The following CEP128 variants were observed in gnomAD, a reference collection of about 807,000 sequenced individuals.
CEP128 encodes centrosomal protein 128kDa.
Under a neutral mutation model 156.7 loss-of-function variants are expected in CEP128, and 132 were observed. That is an observed-to-expected ratio of 0.84 (90% CI 0.73 to 0.97). CEP128 has a LOEUF of 0.97. CEP128 is among the 50% of genes least tolerant of loss of function. CEP128 has a pLI of 0.00. For missense variants in CEP128, 1,252 were observed against 1,281.9 expected (o/e 0.98, Z 0.36); for synonymous variants, 469 against 448.9 (o/e 1.04, Z -0.57).
intron 13 of CEP128, among the ~76,000 whole-genome samples, chr14:80,800,850 T>G (rs1262608865): frequency 6.6e-6 from 1 of 152,206 alleles, no homozygotes. Flanking sequence ...ACATTGCTAT[T>G]AACTATTAGA....
intron 19 of CEP128, among the ~76,000 whole-genome samples, chr14:80,683,677 G>A (rs1896411989): frequency 6.6e-6 from 1 of 152,130 alleles, no homozygotes; most frequent in South Asian, 2.1e-4. Flanking sequence ...CCTCTCTTCT[G>A]CACATGAAAC....
chr14:80,489,032 C>T (rs577707020), downstream of CEP128, among the ~76,000 whole-genome samples: 5 of 150,972 alleles, frequency 3.3e-5, no homozygotes, highest in East Asian at 7.8e-4. Context: ...ATACCTAATG[C>T]TAAATGACGA....
At position 80,558,384 on chromosome 14, in the gene CEP128, G is replaced by A. The variant is rs1366161733; in HGVS notation, c.2880+895C>T. ...GCTCACGGCAACCTCTGCCTCCCAG[G>A]TTCAAGCAATTCTCCTGCTTCAGCC... On this transcript the variant is annotated intron_variant, in intron 21 of 24. Transcript: ENST00000555265. Among the ~76,000 whole-genome samples, 3 of 151,942 alleles carry A rather than the reference G, an allele frequency of 2.0e-5. No homozygotes were observed. In the East Asian group the frequency reaches 5.8e-4, roughly 29 times the overall value.
At chr14:80,517,303 A>G (rs576478152) in intron 23 of CEP128, among the ~76,000 whole-genome samples, 2 of 152,202 alleles carry the variant, frequency 1.3e-5, no homozygotes, top group South Asian at 4.1e-4. Context: ...GATTTCTACA[A>G]TGGAAACATA....
Position 80,497,482 on chromosome 14 carries a change from G to T in CEP128, c.3282C>A (p.Ser1094Arg). 6.3e-7 allele frequency: 1 copy of T among 1,594,908 alleles called. No homozygotes were observed. The highest frequency in any genetic ancestry group is 8.6e-7 in the Non-Finnish European group (1 of 1,165,486). ...SSQPKKEEYG[S>R] ...ATAACAAATTACATTTGCTTTTTTAGCTCCCATATTCCTCTTTTTTGGGTT... is the reference window on the plus strand; with the variant it reads ...ATAACAAATTACATTTGCTTTTTTATCTCCCATATTCCTCTTTTTTGGGTT... Residue 1094 changes from serine to arginine, a missense_variant, in exon 25 of 25, where the codon AGC (serine) becomes AGA (arginine). By Grantham distance (110) the Ser-to-Arg change is moderately radical. Transcript: ENST00000555265.
chr14:80,913,998 T>C lies in CEP128; in HGVS notation c.234+324A>G, dbSNP rs75186024. ...TTTTAACAATAAACACATATTACTT[T>C]AAAATAAACCATCCTTAAAATTCTT... On this transcript the variant is annotated intron_variant, in intron 4 of 24. Transcript: ENST00000555265. Among the ~76,000 whole-genome samples, 1,326 of 152,312 alleles carry C rather than the reference T, an allele frequency of 8.7e-3. 11 individuals are homozygous for C. The highest frequency in any genetic ancestry group is 0.016 in the Non-Finnish European group (1,082 of 68,026).
chr14:80,926,124 G>T (rs184924086), intron 2 of CEP128, among the ~76,000 whole-genome samples: 2 of 152,170 alleles, frequency 1.3e-5, no homozygotes, highest in Non-Finnish European at 2.9e-5. Flanking sequence ...GGGGACAAAT[G>T]CCCTTGGTCA....
At chr14:80,706,745 T>G (rs1467339647) in intron 19 of CEP128, among the ~76,000 whole-genome samples, 2 of 152,124 alleles carry the variant, frequency 1.3e-5, no homozygotes, top group African/African-American at 4.8e-5. Context: ...AACCTTCTCC[T>G]CTCCTTCTGT....
intron 15 of CEP128, 93 bp downstream of exon 15, chr14:80,784,802 T>C: frequency 9.3e-7 from 1 of 1,076,464 alleles, no homozygotes; most frequent in Non-Finnish European, 1.3e-6. Flanking sequence ...TGCTTGGGAA[T>C]ACAGAATGAT....
intron 19 of CEP128, among the ~76,000 whole-genome samples, chr14:80,682,293 A>G (rs1255059646): frequency 6.6e-6 from 1 of 152,228 alleles, no homozygotes; most frequent in South Asian, 2.1e-4. Context: ...AACTCAAAGA[A>G]TTTCAAAATG....
chr14:80,502,764 T>G (rs1402984792), intron 24 of CEP128, among the ~76,000 whole-genome samples: 1 of 152,090 alleles, frequency 6.6e-6, no homozygotes, highest in African/African-American at 2.4e-5. Context: ...AAGTTCTGTT[T>G]TCCTCTTTGT....
chr14:80,953,454 G>A (rs2139662876), intron 2 of CEP128, among the ~76,000 whole-genome samples: 2 of 152,196 alleles, frequency 1.3e-5, no homozygotes, highest in Non-Finnish European at 2.9e-5. Flanking sequence ...GCGTGGTGGC[G>A]GGCGCCTGTA....
intron 23 of CEP128, among the ~76,000 whole-genome samples, chr14:80,508,751 T>C (rs1888104804): frequency 6.6e-6 from 1 of 152,204 alleles, no homozygotes; most frequent in Non-Finnish European, 1.5e-5. Context: ...ACTAAACATA[T>C]GTTGTCAAAA....
At chr14:80,639,109 A>G (rs1303180196) in intron 19 of CEP128, among the ~76,000 whole-genome samples, 2 of 152,184 alleles carry the variant, frequency 1.3e-5, no homozygotes, top group Non-Finnish European at 2.9e-5. Context: ...AAAAAATGGT[A>G]TTTAACCAAA....
chr14:80,552,321 AC>A (rs1167891527), intron 21 of CEP128, among the ~76,000 whole-genome samples: 1 of 149,316 alleles, frequency 6.7e-6, no homozygotes, highest in African/African-American at 2.5e-5. Flanking sequence ...AAAAAAAAAA[AC>A]ACAAATAAAA....
intron 8 of CEP128, chr14:80,894,556 A>AT (rs1566699294): frequency 2.3e-6 from 1 of 440,216 alleles, no homozygotes; most frequent in African/African-American, 2.1e-5. Context: ...ATGCAAAAAA[A>AT]AAATATATCT....
chr14:80,726,123 C>T (rs1023392897), intron 19 of CEP128, among the ~76,000 whole-genome samples: 1 of 152,186 alleles, frequency 6.6e-6, no homozygotes, highest in Non-Finnish European at 1.5e-5. Flanking sequence ...TAGAAACCAA[C>T]AGACATCTCC....
At chr14:80,509,268 T>G (rs1490065311) in intron 23 of CEP128, among the ~76,000 whole-genome samples, 47 of 152,196 alleles carry the variant, frequency 3.1e-4, no homozygotes, top group Non-Finnish European at 7.3e-5. Context: ...CAACCAACAG[T>G]GTATGGGGGT....
chr14:80,784,999 A>T lies in CEP128; in HGVS notation c.2107T>A (p.Ser703Thr), dbSNP rs1199933904. ...HQRELKDLTSSLQSVKTKHEQ... is the reference protein window; with the variant it reads ...HQRELKDLTSTLQSVKTKHEQ... ...TGTTTTGTTTTCACACTCTGCAATG[A>T]TGATGTGAGATCTTTCAGCTCCCTC... Residue 703 changes from serine (S) to threonine (T), a missense_variant, in exon 15 of 25, where the codon TCA becomes ACA. Ser to Thr is a moderately conservative substitution (Grantham distance 58). Transcript: ENST00000555265. 6.2e-7 allele frequency: 1 copy of T among 1,614,024 alleles called. No individual in the cohort carries two copies. The highest frequency in any genetic ancestry group is 1.1e-5 in the South Asian group (1 of 91,080).
Sources: gnomAD v4.1 joint callset for allele counts (sites outside exome capture counted in the v4.1 genomes callset) on GRCh38, gnomAD v4.1.1 for gene constraint, MANE v1.5 for transcripts, NCBI Gene and HGNC (gene_info 2026-07-23, HGNC 2026-07-21) for gene names.